USP15: variants seen among roughly 807,000 people sequenced by gnomAD.
USP15 encodes ubiquitin specific peptidase 15, also known as ubiquitin carboxyl-terminal hydrolase 15.
A neutral mutation model predicts 127.1 loss-of-function variants in USP15; 18 were observed. The observed-to-expected ratio is 0.14, with a 90% CI of 0.10 to 0.21. The LOEUF is 0.21. Among genes scored for constraint, USP15 ranks in the 10% least tolerant of loss-of-function variants. The probability of loss-of-function intolerance (pLI) is 1.00; values close to 1 mark genes in which losing one functional copy is unlikely to be tolerated. For synonymous variants in USP15, 364 were observed against 393.7 expected (o/e 0.92, Z 0.89); for missense variants, 805 against 1,159.9 (o/e 0.69, Z 4.44).
chr12:62,376,976 C>T (rs1449141625), intron 8 of USP15, among the ~76,000 whole-genome samples: 2 of 152,204 alleles, frequency 1.3e-5, no homozygotes, highest in East Asian at 3.9e-4. Flanking sequence ...GTAGAAGAAT[C>T]TTCGAGATAG....
Position 62,410,658 on chromosome 12 carries a change from A to G in USP15, c.*6283A>G, listed in dbSNP as rs2068017488. On this transcript the variant is annotated 3_prime_UTR_variant, in exon 22 of 22. Transcript: ENST00000280377. ...AACAACTTCCACCATAGCTAGCTCCAAACAGGTCATTAACCTCTGAATTAC... is the reference window on the plus strand; with the variant it reads ...AACAACTTCCACCATAGCTAGCTCCGAACAGGTCATTAACCTCTGAATTAC... 1 of 152,204 alleles carries G rather than the reference A, an allele frequency of 6.6e-6. No individual in the cohort carries two copies. Among genetic ancestry groups the G allele is most frequent in the South Asian group, 2.1e-4 (1 of 4,838 alleles). The allele number at this position is 152,204 out of a possible 1,614,324, so 9.4% of individuals were successfully genotyped here.
chr12:62,331,106 C>T (rs976815675), intron 6 of USP15, among the ~76,000 whole-genome samples: 1 of 152,084 alleles, frequency 6.6e-6, no homozygotes, highest in Non-Finnish European at 1.5e-5. Flanking sequence ...AAGACAACCC[C>T]TGGCCTTCAA....
At chr12:62,263,705 A>G (rs1056876807) in intron 1 of USP15, among the ~76,000 whole-genome samples, 1 of 152,224 alleles carries the variant, frequency 6.6e-6, no homozygotes, top group African/African-American at 2.4e-5. Flanking sequence ...TGTATAAGGA[A>G]TAAAGCAGTC....
In USP15 at chr12:62,263,423, A is replaced by G. The variant is rs150308997; in HGVS notation, c.89+2920A>G. ...GCACTTTGCAGATAATGACTGTCTC[A>G]TGGTAACTCGGGTAACTAACTTCCA... On this transcript the variant is annotated intron_variant, in intron 1 of 21. Transcript: ENST00000280377. Among the ~76,000 whole-genome samples, 327 of 152,326 alleles carry G rather than the reference A, an allele frequency of 2.1e-3. 2 individuals carry two copies. The highest frequency in any genetic ancestry group is 7.8e-3 in the African/African-American group (323 of 41,568).
At position 62,407,533 on chromosome 12, in the gene USP15, C is replaced by G. The variant is rs1448925789; in HGVS notation, c.*3158C>G. On this transcript the variant is annotated 3_prime_UTR_variant, in exon 22 of 22. Transcript: ENST00000280377. Reference sequence around the variant, plus strand: ...ATTCGAGCATTGAATAAGAAAGTACCCACTGGAATATTGACTAACCCATTC... The same window carrying G: ...ATTCGAGCATTGAATAAGAAAGTACGCACTGGAATATTGACTAACCCATTC... The G allele has an allele frequency of 6.6e-6, 1 of 152,058 alleles. No homozygotes were observed. The highest frequency in any genetic ancestry group is 2.4e-5 in the African/African-American group (1 of 41,404). 9.4% of individuals were successfully genotyped at this position (152,058 alleles called of 1,614,324 possible). A position where few individuals can be genotyped will look rare whatever the true frequency, so the allele number is the denominator to read the frequency against.
At chr12:62,376,942 T>C (rs1265801789) in intron 8 of USP15, among the ~76,000 whole-genome samples, 1 of 152,224 alleles carries the variant, frequency 6.6e-6, no homozygotes, top group African/African-American at 2.4e-5. Context: ...TAGTCTCATC[T>C]GATAGGAAAA....
chr12:62,335,589 C>T, intron 6 of USP15: 2 of 1,010,090 alleles, frequency 2.0e-6, no homozygotes, highest in Non-Finnish European at 2.4e-6. Context: ...ATATGGTAAA[C>T]ACCAGTTTAT....
intron 1 of USP15, among the ~76,000 whole-genome samples, chr12:62,288,080 T>C (rs2137123696): frequency 6.6e-6 from 1 of 152,280 alleles, no homozygotes; most frequent in Admixed American, 6.5e-5. Context: ...AGATTCTTTT[T>C]TTTATTTCAT....
chr12:62,387,156 C>G (rs192555247), intron 11 of USP15, among the ~76,000 whole-genome samples: 30 of 152,182 alleles, frequency 2.0e-4, no homozygotes, highest in Admixed American at 1.2e-3. Flanking sequence ...GTAGAGATAT[C>G]CAGTAGGCAT....
At position 62,391,280 on chromosome 12, in the gene USP15, G is replaced by A. The variant is rs780002981; in HGVS notation, c.2084G>A (p.Cys695Tyr). 2.5e-6 allele frequency: 4 copies of A among 1,613,636 alleles called. No homozygotes were observed. The Admixed American group carries it at 5.0e-5, about 20-fold the overall frequency. ...GGDNDSENGL[C>Y]TEDTCKGQLT... Reference sequence around the variant, plus strand: ...GATAATGATTCTGAAAATGGATTATGTACTGAGGATACTTGCAAAGGTCAA... The same window carrying A: ...GATAATGATTCTGAAAATGGATTATATACTGAGGATACTTGCAAAGGTCAA... The change falls in exon 16 of 22, where the codon TGT (cysteine) becomes TAT (tyrosine). Residue 695 changes from cysteine to tyrosine, a missense_variant. By Grantham distance (194) the Cys-to-Tyr change is radical. Transcript: ENST00000280377.
rs1385001080 is a variant in USP15 at position 62,408,415 on chromosome 12, C to T, written c.*4040C>T. On this transcript the variant is annotated 3_prime_UTR_variant, in exon 22 of 22. Coordinates refer to ENST00000280377, the MANE Select transcript of USP15 (RefSeq NM_001252078.2). Reference sequence around the variant, plus strand: ...ATTTTTAAGATAGAAATGTGGAAAACTCTTGAATCATAGACTAGGGGAAGG... The same window carrying T: ...ATTTTTAAGATAGAAATGTGGAAAATTCTTGAATCATAGACTAGGGGAAGG... 1 of 151,992 alleles carries T rather than the reference C, an allele frequency of 6.6e-6. No homozygotes were observed. Among genetic ancestry groups the T allele is most frequent in the African/African-American group, 2.4e-5 (1 of 41,366 alleles). The allele number at this position is 151,992 out of a possible 1,614,324, so 9.4% of individuals were successfully genotyped here.
intron 8 of USP15, among the ~76,000 whole-genome samples, chr12:62,378,079 C>T (rs139876004): frequency 0.01 from 1,527 of 151,854 alleles, 20 homozygotes; most frequent in Non-Finnish European, 0.018. Flanking sequence ...CGGTGGTGGG[C>T]GCCTATAATC....
chr12:62,390,836 A>G (rs1005680069), intron 14 of USP15, 28 bp from the exon 15 acceptor site: 14 of 1,540,900 alleles, frequency 9.1e-6, no homozygotes, highest in Non-Finnish European at 1.2e-5. Flanking sequence ...GTAGTACTGA[A>G]CTTGTTTGAT....
intron 6 of USP15, among the ~76,000 whole-genome samples, chr12:62,344,012 G>A (rs1396146839): frequency 6.6e-6 from 1 of 151,994 alleles, no homozygotes; most frequent in African/African-American, 2.4e-5. Flanking sequence ...GATTTGGGTG[G>A]GGACACAGAG....
rs770755014 is a variant in USP15, at chr12:62,412,974, TGCCTTATAAAATGTATTTCTTG to T, written c.*8601_*8622del. 6.6e-6 allele frequency: 1 copy of T among 152,204 alleles called. No homozygotes were observed. 9.4% of individuals were successfully genotyped at this position (152,204 alleles called of 1,614,324 possible). On this transcript the variant is annotated 3_prime_UTR_variant, in exon 22 of 22. Coordinates refer to ENST00000280377, the MANE Select transcript of USP15 (RefSeq NM_001252078.2). Reference sequence around the variant, plus strand: ...AGGAATCACTATCTATGAAAGCTTTTGCCTTATAAAATGTATTTCTTGGATGATAAGACTTGAAAGCTGAAGT... The same window carrying T: ...AGGAATCACTATCTATGAAAGCTTTTGATGATAAGACTTGAAAGCTGAAGT...
intron 2 of USP15, among the ~76,000 whole-genome samples, chr12:62,296,387 G>A (rs1204080333): frequency 6.6e-6 from 1 of 152,174 alleles, no homozygotes; most frequent in East Asian, 1.9e-4. Context: ...TGTAACAGTG[G>A]AAAACTAATA....
At position 62,378,158 on chromosome 12, in the gene USP15, G is replaced by A. The variant is rs113032721; in HGVS notation, c.916-3332G>A. 2.8e-3 allele frequency among the ~76,000 whole-genome samples: 425 copies of A among 152,030 alleles called. 1 individual carries two copies. The highest frequency in any genetic ancestry group is 9.7e-3 in the African/African-American group (403 of 41,478). On this transcript the variant is annotated intron_variant, in intron 8 of 21. Transcript: ENST00000280377. ...GGAGGTGGAGGTTGCAGTGAGCCAA[G>A]ATTGTGCCACTGCACTCCAGCCTGG...
intron 1 of USP15, among the ~76,000 whole-genome samples, chr12:62,282,546 A>G (rs1449784402): frequency 6.6e-6 from 1 of 152,196 alleles, no homozygotes; most frequent in Admixed American, 6.5e-5. Context: ...TAAATGACAT[A>G]GGCATTGTGA....
chr12:62,366,743 A>G (rs556539337), intron 8 of USP15, among the ~76,000 whole-genome samples: 1 of 152,284 alleles, frequency 6.6e-6, no homozygotes, highest in South Asian at 2.1e-4. Context: ...TAGTTTATTG[A>G]GAGTTTTTAG....
Sources: allele counts gnomAD v4.1 joint callset (sites outside exome capture counted in the v4.1 genomes callset), GRCh38; gene constraint gnomAD v4.1.1; transcripts MANE v1.5; gene names NCBI Gene and HGNC (gene_info 2026-07-23, HGNC 2026-07-21).